The following LRRTM4 variants were observed in gnomAD, a reference collection of about 807,000 sequenced individuals.
The protein encoded by LRRTM4 is leucine rich repeat transmembrane neuronal 4.
In LRRTM4, 25 loss-of-function variants were observed where a neutral mutation model predicts 47.6. The ratio of observed to expected loss-of-function variants is 0.53; its 90% CI spans 0.38 to 0.73. LRRTM4 has a LOEUF of 0.73. LRRTM4 is among the 30% of genes least tolerant of loss of function. The pLI is 0.00. For missense variants in LRRTM4, 638 were observed against 713.4 expected (o/e 0.89, Z 1.20); for synonymous variants, 311 against 269.5 (o/e 1.15, Z -1.51).
chr2:77,348,430 A>T (rs1671645624), intron 3 of LRRTM4, among the ~76,000 whole-genome samples: 1 of 150,994 alleles, frequency 6.6e-6, no homozygotes. Flanking sequence ...AAAAGGGAAA[A>T]TTATATATAC....
At chr2:77,418,577 C>T (rs1573387290) in intron 3 of LRRTM4, among the ~76,000 whole-genome samples, 1 of 152,252 alleles carries the variant, frequency 6.6e-6, no homozygotes, top group East Asian at 1.9e-4. Context: ...ATACAAAATC[C>T]TCTTAGGCCT....
At chr2:77,287,859 A>G (rs1675931918) in intron 3 of LRRTM4, among the ~76,000 whole-genome samples, 1 of 152,210 alleles carries the variant, frequency 6.6e-6, no homozygotes, top group Non-Finnish European at 1.5e-5. Flanking sequence ...CATAGTATAC[A>G]TAGGGTTTGG....
At chr2:77,456,176 C>A (rs1166713495) in intron 3 of LRRTM4, among the ~76,000 whole-genome samples, 1 of 152,138 alleles carries the variant, frequency 6.6e-6, no homozygotes, top group Non-Finnish European at 1.5e-5. Context: ...ATCATAAATT[C>A]CAAATGAACA....
intron 3 of LRRTM4, among the ~76,000 whole-genome samples, chr2:76,769,710 AC>A (rs1262833233): frequency 1.3e-5 from 2 of 151,480 alleles, no homozygotes; most frequent in Admixed American, 1.3e-4. Flanking sequence ...TTTTAACAGG[AC>A]CCCCCAGATG....
chr2:77,250,269 A>T (rs1340729492), intron 3 of LRRTM4, among the ~76,000 whole-genome samples: 2 of 152,180 alleles, frequency 1.3e-5, no homozygotes. Context: ...CCAAGAGTGG[A>T]CCCTAATGTA....
intron 3 of LRRTM4, among the ~76,000 whole-genome samples, chr2:76,801,875 A>G (rs902522233): frequency 1.3e-5 from 2 of 152,202 alleles, no homozygotes; most frequent in African/African-American, 4.8e-5. Flanking sequence ...CAAACACCAT[A>G]AGATCATCTC....
At chr2:77,356,422 G>A (rs993937608) in intron 3 of LRRTM4, among the ~76,000 whole-genome samples, 14 of 152,106 alleles carry the variant, frequency 9.2e-5, no homozygotes, top group Non-Finnish European at 1.6e-4. Context: ...AAGAAACTAA[G>A]AGAAGGGAGC....
chr2:77,438,986 A>G (rs1675723294), intron 3 of LRRTM4, among the ~76,000 whole-genome samples: 1 of 152,184 alleles, frequency 6.6e-6, no homozygotes, highest in African/African-American at 2.4e-5. Context: ...CTATCCTGCC[A>G]ATTAGAAAGT....
At chr2:76,855,225 G>T (rs1198959599) in intron 3 of LRRTM4, among the ~76,000 whole-genome samples, 1 of 152,204 alleles carries the variant, frequency 6.6e-6, no homozygotes, top group East Asian at 1.9e-4. Context: ...TGGGGCCCGT[G>T]TAAGCCATCA....
At chr2:77,307,329 T>G (rs1677308827) in intron 3 of LRRTM4, among the ~76,000 whole-genome samples, 1 of 151,574 alleles carries the variant, frequency 6.6e-6, no homozygotes, top group Non-Finnish European at 1.5e-5. Flanking sequence ...AGCTGTGCTT[T>G]TCTCATTATA....
chr2:77,393,709 G>T (rs2103819809), intron 3 of LRRTM4, among the ~76,000 whole-genome samples: 1 of 152,070 alleles, frequency 6.6e-6, no homozygotes, highest in East Asian at 1.9e-4. Flanking sequence ...ACCAGAGGCA[G>T]TTAGGAGGCT....
intron 3 of LRRTM4, among the ~76,000 whole-genome samples, chr2:77,022,265 T>C (rs962800389): frequency 6.6e-6 from 1 of 152,018 alleles, no homozygotes; most frequent in Admixed American, 6.6e-5. Flanking sequence ...ATTCAAATTA[T>C]CTCCCACCAG....
intron 3 of LRRTM4, among the ~76,000 whole-genome samples, chr2:77,128,372 G>A (rs1373983019): frequency 1.4e-5 from 2 of 145,716 alleles, no homozygotes; most frequent in African/African-American, 2.6e-5. Flanking sequence ...CAATGATAGG[G>A]CCAAAATTTT....
chr2:77,261,719 T>C, intron 3 of LRRTM4, among the ~76,000 whole-genome samples: 1 of 152,116 alleles, frequency 6.6e-6, no homozygotes, highest in Non-Finnish European at 1.5e-5. Context: ...CTATGGCTCC[T>C]ATTGATATTT....
chr2:77,448,187 G>C (rs1187136019), intron 3 of LRRTM4, among the ~76,000 whole-genome samples: 2 of 152,200 alleles, frequency 1.3e-5, no homozygotes, highest in Non-Finnish European at 2.9e-5. Flanking sequence ...CTTTGTCACT[G>C]TTGGTAAGAT....
intron 3 of LRRTM4, among the ~76,000 whole-genome samples, chr2:77,111,133 G>A (rs1671236262): frequency 6.6e-6 from 1 of 151,956 alleles, no homozygotes; most frequent in African/African-American, 2.4e-5. Flanking sequence ...GTTTTGAGAT[G>A]GAGTCTTGCT....
chr2:77,112,025 A>G (rs2103936573), intron 3 of LRRTM4, among the ~76,000 whole-genome samples: 1 of 152,254 alleles, frequency 6.6e-6, no homozygotes, highest in East Asian at 1.9e-4. Context: ...GTACTGAGAG[A>G]TTTTCTACAT....
At chr2:77,121,399 T>G (rs1047470706) in intron 3 of LRRTM4, among the ~76,000 whole-genome samples, 5 of 151,802 alleles carry the variant, frequency 3.3e-5, no homozygotes, top group Non-Finnish European at 5.9e-5. Flanking sequence ...TAAATAGTGT[T>G]GCACTTCTCA....
intron 3 of LRRTM4, among the ~76,000 whole-genome samples, chr2:76,870,078 G>T (rs72821228): frequency 5.9e-5 from 9 of 152,090 alleles, no homozygotes; most frequent in Admixed American, 3.9e-4. Flanking sequence ...CCTTTGAGGA[G>T]TGTCCTGGGA....
Sources: allele counts gnomAD v4.1 joint callset (sites outside exome capture counted in the v4.1 genomes callset), GRCh38; gene constraint gnomAD v4.1.1; transcripts MANE v1.5; gene names NCBI Gene and HGNC (gene_info 2026-07-23, HGNC 2026-07-21).